Variants in RMND1 observed in about 807,000 individuals in gnomAD.
The protein encoded by RMND1 is required for meiotic nuclear division protein 1 homolog.
Under a neutral mutation model 54.0 loss-of-function variants are expected in RMND1, and 41 were observed. The ratio of observed to expected loss-of-function variants is 0.76; its 90% CI spans 0.59 to 0.98. The LOEUF is 0.98. Among genes scored for constraint, RMND1 ranks in the 50% least tolerant of loss-of-function variants. RMND1 has a pLI of 0.00. For synonymous variants in RMND1, 183 were observed against 181.7 expected, an observed-to-expected ratio of 1.01 and a Z score of -0.06; for missense variants, 457 against 532.0, an observed-to-expected ratio of 0.86 and a Z score of 1.39.
chr6:151,426,322 C>T (rs1317799594), intron 6 of RMND1, among the ~76,000 whole-genome samples: 10 of 152,170 alleles, frequency 6.6e-5, no homozygotes, highest in Non-Finnish European at 5.9e-5. Flanking sequence ...AAAGACACTA[C>T]CATCTTGTTC....
intron 1 of RMND1, among the ~76,000 whole-genome samples, chr6:151,448,796 CA>C (rs1244884454): frequency 6.6e-6 from 1 of 152,188 alleles, no homozygotes; most frequent in African/African-American, 2.4e-5. Flanking sequence ...TAATAAAAGC[CA>C]AAGCCCTCCA....
chr6:151,406,551 G>T (rs1361360362), intron 10 of RMND1, among the ~76,000 whole-genome samples: 1 of 152,008 alleles, frequency 6.6e-6, no homozygotes. Flanking sequence ...TAGTAGAGAT[G>T]ATGTTAGCCA....
intron 5 of RMND1, among the ~76,000 whole-genome samples, chr6:151,428,229 C>A (rs1328963240): frequency 6.6e-6 from 1 of 152,122 alleles, no homozygotes; most frequent in Admixed American, 6.5e-5. Flanking sequence ...AATCCTAATC[C>A]CCAGAGGCAA....
Position 151,445,349 on chromosome 6 carries a change from G to A in RMND1, c.463C>T (p.Gln155Ter). ...ACTGGAAGGTTGGTCCTGGATGGCT[G>A]TCTGGTCCTGGATGCTTTTAGTGGT... ...KRPLKASRTRQPSRTNLPVLS... is the reference protein window; with the variant it reads ...KRPLKASRTR The change falls in exon 2 of 12, where the codon CAG becomes TAG. Residue 155 changes from glutamine (Q) to a stop codon, truncating the protein, a stop_gained. Transcript: ENST00000444024. LOFTEE classifies it high-confidence loss of function. 1.2e-6 allele frequency: 2 copies of A among 1,613,624 alleles called. No individual in the cohort carries two copies. Among genetic ancestry groups the A allele is most frequent in the Non-Finnish European group, 1.7e-6 (2 of 1,179,738 alleles).
At chr6:151,406,672 C>T (rs1779633277) in intron 10 of RMND1, among the ~76,000 whole-genome samples, 2 of 152,026 alleles carry the variant, frequency 1.3e-5, no homozygotes, top group African/African-American at 2.4e-5. Flanking sequence ...CTGTTAAATA[C>T]CTACCTAATA....
rs1779558074 is a variant in RMND1 at position 151,404,980 on chromosome 6, T to G, written c.*255A>C. On this transcript the variant is annotated 3_prime_UTR_variant, in exon 12 of 12. Transcript: ENST00000444024. ...GCCTCCCAAGTTCAAGAGATTCTCC[T>G]GCCTCAGCCTCCTGAGTAGCTGAGA... 8 of 380,092 alleles carry G rather than the reference T, an allele frequency of 2.1e-5. No homozygotes were observed. Among genetic ancestry groups the G allele is most frequent in the Non-Finnish European group, 3.8e-5 (8 of 211,030 alleles). 23.5% of individuals were successfully genotyped at this position (380,092 alleles called of 1,614,324 possible). A position where few individuals can be genotyped will look rare whatever the true frequency, so the allele number is the denominator to read the frequency against.
intron 2 of RMND1, among the ~76,000 whole-genome samples, chr6:151,438,054 A>G (rs1780663011): frequency 6.6e-6 from 1 of 152,232 alleles, no homozygotes; most frequent in South Asian, 2.1e-4. Flanking sequence ...CCATAGTCAC[A>G]TATGAAAGTA....
At chr6:151,423,695 A>T in intron 6 of RMND1, 64 bp from the exon 7 acceptor site, 1 of 1,069,194 alleles carries the variant, frequency 9.4e-7, no homozygotes, top group South Asian at 1.3e-5. Flanking sequence ...TTCCTTTGAA[A>T]AAGACACCAT....
In RMND1 at chr6:151,436,571, A is replaced by G; in HGVS notation, c.505-17T>C. The G allele has an allele frequency of 6.2e-7, 1 of 1,612,860 alleles. No individual in the cohort carries two copies. The highest frequency in any genetic ancestry group is 1.1e-5 in the South Asian group (1 of 91,030). ...CATTAGGTCCTGTTCCAGGGAAATG[A>G]GCATAACATGGGTTACCAAGAGGCT... is the stretch of plus-strand genomic sequence containing the variant. On this transcript the variant is annotated splice_polypyrimidine_tract_variant and intron_variant, in intron 2 of 11. Transcript: ENST00000444024.
Position 151,404,979 on chromosome 6 carries a change from C to T in RMND1, c.*256G>A, listed in dbSNP as rs1779558009. 2.7e-6 allele frequency: 1 copy of T among 376,000 alleles called. No individual in the cohort carries two copies. Among genetic ancestry groups the T allele is most frequent in the Non-Finnish European group, 4.8e-6 (1 of 208,588 alleles). 23.3% of individuals were successfully genotyped at this position (376,000 alleles called of 1,614,324 possible). A position where few individuals can be genotyped will look rare whatever the true frequency, so the allele number is the denominator to read the frequency against. ...CGCCTCCCAAGTTCAAGAGATTCTC[C>T]TGCCTCAGCCTCCTGAGTAGCTGAG... On this transcript the variant is annotated 3_prime_UTR_variant, in exon 12 of 12. Coordinates refer to ENST00000444024, the MANE Select transcript of RMND1 (RefSeq NM_017909.4).
At chr6:151,433,119 C>A (rs375047791) in intron 4 of RMND1, 36 bp downstream of exon 4, 1 of 1,378,008 alleles carries the variant, frequency 7.3e-7, no homozygotes, top group South Asian at 1.2e-5. Context: ...TGACCCAAAC[C>A]CATCATCACC....
At chr6:151,412,209 C>T (rs566042326) in intron 10 of RMND1, among the ~76,000 whole-genome samples, 8 of 152,306 alleles carry the variant, frequency 5.3e-5, no homozygotes, top group African/African-American at 1.7e-4. Context: ...ACCATGTTAG[C>T]CACGCTGGCC....
intron 10 of RMND1, chr6:151,416,471 T>G (rs1220907600): frequency 7.0e-6 from 1 of 142,076 alleles, no homozygotes; most frequent in Non-Finnish European, 1.5e-5. Flanking sequence ...TCATCCAGGC[T>G]GGAGTGCACT....
At chr6:151,449,165 G>A (rs543043514) in intron 1 of RMND1, among the ~76,000 whole-genome samples, 1 of 147,538 alleles carries the variant, frequency 6.8e-6, no homozygotes, top group East Asian at 2.0e-4. Flanking sequence ...TCAGATGTTC[G>A]AGGCCAGCCT....
intron 2 of RMND1, chr6:151,444,599 C>T (rs55848010): frequency 6.6e-6 from 1 of 150,966 alleles, no homozygotes; most frequent in Non-Finnish European, 1.5e-5. Flanking sequence ...AAGTCTTCAT[C>T]AAGTTTAAAA....
In RMND1 at chr6:151,433,225, C is replaced by A; in HGVS notation, c.619G>T (p.Ala207Ser). Residue 207 changes from alanine (A) to serine (S), a missense_variant, in exon 4 of 12, where the codon GCA becomes TCA. By Grantham distance (99) the Ala-to-Ser change is moderately conservative (BLOSUM62 1). Coordinates refer to ENST00000444024, the MANE Select transcript of RMND1 (RefSeq NM_017909.4). ...TCCACACCCATCACCAAAATATTTG[C>A]TGCATCTGTGATTTAAAATAAACGA... ...VEVTSLPRDA[A>S]NILVMGVENS... 1.9e-6 allele frequency: 3 copies of A among 1,609,262 alleles called. No individual in the cohort carries two copies. The highest frequency in any genetic ancestry group is 2.5e-6 in the Non-Finnish European group (3 of 1,176,764).
chr6:151,441,972 G>A (rs543262750), intron 2 of RMND1, among the ~76,000 whole-genome samples: 17 of 152,282 alleles, frequency 1.1e-4, no homozygotes, highest in East Asian at 7.7e-4. Flanking sequence ...ACTAACTGGC[G>A]TCTGCACTAA....
Position 151,436,433 on chromosome 6 carries a change from CAAG to C in RMND1, c.613+10_613+12del, listed in dbSNP as rs748449497. On this transcript the variant is annotated intron_variant, in intron 3 of 11. Transcript: ENST00000444024. ...ATTTTAACATACTTGGCCCCAGGTT[CAAG>C]AAGAAGTACCTCTAGGCAAGCTTGT... The C allele has an allele frequency of 8.2e-5, 132 of 1,613,590 alleles. No homozygotes were observed. The highest frequency in any genetic ancestry group is 6.6e-4 in the Middle Eastern group (4 of 6,048).
At chr6:151,432,412 TC>T (rs1442298004) in intron 4 of RMND1, among the ~76,000 whole-genome samples, 1 of 152,170 alleles carries the variant, frequency 6.6e-6, no homozygotes, top group East Asian at 1.9e-4. Context: ...AAAAAGAACT[TC>T]CACTTATCAT....
Sources: allele counts gnomAD v4.1 joint callset (sites outside exome capture counted in the v4.1 genomes callset), GRCh38; gene constraint gnomAD v4.1.1; transcripts MANE v1.5; gene names NCBI Gene and HGNC (gene_info 2026-07-23, HGNC 2026-07-21).